The following SGMS2 variants were observed in gnomAD, a reference collection of about 807,000 sequenced individuals.
SGMS2 encodes the protein phosphatidylcholine:ceramide cholinephosphotransferase 2.
Under a neutral mutation model 43.8 loss-of-function variants are expected in SGMS2, and 21 were observed. The ratio of observed to expected loss-of-function variants is 0.48; its 90% CI spans 0.34 to 0.69. The LOEUF is 0.69. SGMS2 is among the 30% of genes least tolerant of loss of function. The probability of loss-of-function intolerance (pLI) is 0.01; values close to 1 mark genes in which losing one functional copy is unlikely to be tolerated. For missense variants in SGMS2, 384 were observed against 443.2 expected (o/e 0.87, Z 1.20); for synonymous variants, 167 against 160.6 (o/e 1.04, Z -0.30).
At chr4:107,882,150 G>A (rs1034555736) in intron 2 of SGMS2, among the ~76,000 whole-genome samples, 4 of 152,132 alleles carry the variant, frequency 2.6e-5, no homozygotes, top group African/African-American at 9.7e-5. Flanking sequence ...TGGATCATAT[G>A]GTAGTTCTAT....
intron 2 of SGMS2, among the ~76,000 whole-genome samples, chr4:107,876,929 C>T (rs1195932522): frequency 1.3e-5 from 2 of 152,084 alleles, no homozygotes; most frequent in African/African-American, 4.8e-5. Context: ...TTTTGCTTTT[C>T]CTTCTTCCCT....
At chr4:107,831,514 T>G (rs927636015) in intron 1 of SGMS2, among the ~76,000 whole-genome samples, 1 of 152,216 alleles carries the variant, frequency 6.6e-6, no homozygotes, top group East Asian at 1.9e-4. Flanking sequence ...GTATAAAACA[T>G]TGAGAGTAAT....
At chr4:107,868,831 C>A (rs1214079532) in intron 2 of SGMS2, among the ~76,000 whole-genome samples, 1 of 152,108 alleles carries the variant, frequency 6.6e-6, no homozygotes, top group East Asian at 1.9e-4. Flanking sequence ...TCCACTATCC[C>A]TTTTGTACCT....
Position 107,913,147 on chromosome 4 carries a change from T to C in SGMS2, c.*2594T>C, listed in dbSNP as rs922022521. On this transcript the variant is annotated 3_prime_UTR_variant, in exon 7 of 7. Coordinates refer to ENST00000690982, the MANE Select transcript of SGMS2 (RefSeq NM_001375905.1). ...AGATACATATCTTATTATCTTTGTT[T>C]TTTTCAAGTCTATGCTCCTGTTTGA... 12 of 152,196 alleles carry C rather than the reference T, an allele frequency of 7.9e-5. No individual in the cohort carries two copies. Among genetic ancestry groups the C allele is most frequent in the Admixed American group, 1.3e-4 (2 of 15,258 alleles). The allele number at this position is 152,196 out of a possible 1,614,324, so 9.4% of individuals were successfully genotyped here.
intron 3 of SGMS2, among the ~76,000 whole-genome samples, chr4:107,897,237 T>G (rs530036673): frequency 6.6e-6 from 1 of 152,230 alleles, no homozygotes; most frequent in Admixed American, 6.5e-5. Context: ...CAAACTGCAG[T>G]CATTCCTAAG....
chr4:107,852,746 A>ATTTTTTTT (rs56359938), intron 1 of SGMS2, among the ~76,000 whole-genome samples: 95 of 146,702 alleles, frequency 6.5e-4, no homozygotes, highest in East Asian at 2.6e-3. Context: ...CTTGTTTCTC[A>ATTTTTTTT]TTTTTTTTTT....
intron 2 of SGMS2, among the ~76,000 whole-genome samples, chr4:107,877,659 C>CT (rs1246714776): frequency 2.0e-5 from 3 of 152,160 alleles, no homozygotes; most frequent in African/African-American, 7.2e-5. Flanking sequence ...GACCACATAT[C>CT]TATCCTGTAA....
intron 5 of SGMS2, among the ~76,000 whole-genome samples, chr4:107,903,711 T>C (rs937955743): frequency 1.4e-4 from 22 of 152,190 alleles, no homozygotes; most frequent in African/African-American, 4.8e-4. Context: ...TATCTTAATA[T>C]TGGAATTAAT....
chr4:107,870,494 G>T (rs529704204), intron 2 of SGMS2, among the ~76,000 whole-genome samples: 9 of 152,214 alleles, frequency 5.9e-5, no homozygotes, highest in African/African-American at 1.9e-4. Flanking sequence ...GTAAGCATCT[G>T]CTTTTTCTTT....
chr4:107,876,589 G>A (rs1299865008), intron 2 of SGMS2, among the ~76,000 whole-genome samples: 1 of 152,194 alleles, frequency 6.6e-6, no homozygotes, highest in Non-Finnish European at 1.5e-5. Flanking sequence ...GAAATGGTAT[G>A]AAATATATAC....
rs545080575 is a variant in SGMS2 at position 107,912,766 on chromosome 4, G to T, written c.*2213G>T. ...CCTTGGATTTTAGTCAAGTAATCCA[G>T]TTTTTTTTTAATTTAAAAAAAACCA... is the stretch of plus-strand genomic sequence containing the variant. On this transcript the variant is annotated 3_prime_UTR_variant, in exon 7 of 7. Transcript: ENST00000690982. 1.3e-5 allele frequency: 2 copies of T among 151,356 alleles called. No homozygotes were observed. The highest frequency in any genetic ancestry group is 3.9e-4 in the East Asian group (2 of 5,152). 9.4% of individuals were successfully genotyped at this position (151,356 alleles called of 1,614,324 possible). A position where few individuals can be genotyped will look rare whatever the true frequency, so the allele number is the denominator to read the frequency against.
At chr4:107,877,187 A>C (rs1399912756) in intron 2 of SGMS2, among the ~76,000 whole-genome samples, 1 of 152,180 alleles carries the variant, frequency 6.6e-6, no homozygotes, top group African/African-American at 2.4e-5. Context: ...GTTCACCTGC[A>C]GTCCTAGCTA....
rs1436180890 is a variant in SGMS2 at position 107,827,274 on chromosome 4, CT to C, written c.-327+2023del. Among the ~76,000 whole-genome samples, 10 of 152,130 alleles carry C rather than the reference CT, an allele frequency of 6.6e-5. No homozygotes were observed. The East Asian group carries it at 1.9e-3, about 29-fold the overall frequency. ...ACTACTAGTATCAGATATTTATTTG[CT>C]TAACGTTTAGTATGCAACAACTACA... On this transcript the variant is annotated intron_variant, in intron 1 of 6. Coordinates refer to ENST00000690982, the MANE Select transcript of SGMS2 (RefSeq NM_001375905.1).
At chr4:107,848,176 CTT>C (rs1441345470) in intron 1 of SGMS2, among the ~76,000 whole-genome samples, 1 of 152,116 alleles carries the variant, frequency 6.6e-6, no homozygotes, top group Non-Finnish European at 1.5e-5. Context: ...AGTATATAGC[CTT>C]TTCAGATTGG....
chr4:107,873,308 A>G (rs1728680739), intron 2 of SGMS2: 1 of 152,168 alleles, frequency 6.6e-6, no homozygotes, highest in South Asian at 2.1e-4. Context: ...AATAGGAAGT[A>G]AAGAAATGAG....
chr4:107,832,711 A>G (rs544472725), intron 1 of SGMS2, among the ~76,000 whole-genome samples: 16 of 152,344 alleles, frequency 1.1e-4, no homozygotes, highest in African/African-American at 3.6e-4. Flanking sequence ...CAACTAGATT[A>G]TATATTTCAA....
chr4:107,859,411 A>G (rs913090572), intron 2 of SGMS2, among the ~76,000 whole-genome samples: 1 of 152,188 alleles, frequency 6.6e-6, no homozygotes, highest in African/African-American at 2.4e-5. Context: ...AGTATTCTAT[A>G]ACATTATTTG....
intron 1 of SGMS2, among the ~76,000 whole-genome samples, chr4:107,848,931 C>T (rs1386769063): frequency 6.6e-6 from 1 of 152,020 alleles, no homozygotes; most frequent in Admixed American, 6.6e-5. Flanking sequence ...TTCTTTCTTT[C>T]ATGCTTTTGG....
At chr4:107,885,174 A>G (rs1729651142) in intron 2 of SGMS2, among the ~76,000 whole-genome samples, 1 of 152,208 alleles carries the variant, frequency 6.6e-6, no homozygotes, top group Non-Finnish European at 1.5e-5. Context: ...CTCCCTTTAG[A>G]AGGCAAATGG....
Sources: allele counts gnomAD v4.1 joint callset (sites outside exome capture counted in the v4.1 genomes callset), GRCh38; gene constraint gnomAD v4.1.1; transcripts MANE v1.5; gene names NCBI Gene and HGNC (gene_info 2026-07-23, HGNC 2026-07-21).